The following ENTREP2 variants were observed in gnomAD, a reference collection of about 807,000 sequenced individuals.
The protein encoded by ENTREP2 is endosomal transmembrane epsin interactor 2, also known as protein ENTREP2.
the ENTREP2 span, among the ~76,000 whole-genome samples, chr15:29,274,831 A>C: frequency 1.3e-5 from 2 of 152,218 alleles, no homozygotes; most frequent in African/African-American, 4.8e-5. Context: ...CTTGTTAGGG[A>C]AATGAAGACC....
the ENTREP2 span, among the ~76,000 whole-genome samples, chr15:29,159,016 CATT>C: frequency 6.6e-6 from 1 of 152,188 alleles, no homozygotes; most frequent in Non-Finnish European, 1.5e-5. Context: ...ACGTTAAAAA[CATT>C]AAACAGTTCA....
At chr15:29,326,321 C>A in the ENTREP2 span, among the ~76,000 whole-genome samples, 1 of 152,042 alleles carries the variant, frequency 6.6e-6, no homozygotes, top group Non-Finnish European at 1.5e-5. Context: ...TGTTCATGTA[C>A]AAAATCCCAA....
At chr15:29,623,990 G>A in the ENTREP2 span, among the ~76,000 whole-genome samples, 5 of 152,192 alleles carry the variant, frequency 3.3e-5, no homozygotes, top group African/African-American at 4.8e-5. Flanking sequence ...CACCTGCCTC[G>A]GCCTCCCAAA....
At chr15:29,123,783 G>A in the ENTREP2 span, 1 of 905,658 alleles carries the variant, frequency 1.1e-6, no homozygotes, top group South Asian at 1.8e-5. Context: ...TGGCGCTCTG[G>A]GCATGCCCTG....
At chr15:29,390,576 C>G in the ENTREP2 span, among the ~76,000 whole-genome samples, 1 of 152,152 alleles carries the variant, frequency 6.6e-6, no homozygotes, top group African/African-American at 2.4e-5. Flanking sequence ...AAAATCAGAA[C>G]AGAGACAGAA....
the ENTREP2 span, among the ~76,000 whole-genome samples, chr15:29,391,381 A>G: frequency 6.6e-6 from 1 of 152,072 alleles, no homozygotes; most frequent in Non-Finnish European, 1.5e-5. Flanking sequence ...CTTTCTTCTC[A>G]ACCTACTGAT....
the ENTREP2 span, among the ~76,000 whole-genome samples, chr15:29,313,986 G>A: frequency 1.3e-5 from 2 of 152,196 alleles, no homozygotes; most frequent in South Asian, 2.1e-4. Context: ...AATTTCCGTG[G>A]AGGAAGTAAT....
chr15:29,133,620 C>G, the ENTREP2 span, among the ~76,000 whole-genome samples: 3 of 152,204 alleles, frequency 2.0e-5, no homozygotes, highest in Admixed American at 1.3e-4. Context: ...TTGCTTTCTT[C>G]CAGAACTGCT....
At chr15:29,571,066 C>A in the ENTREP2 span, among the ~76,000 whole-genome samples, 2 of 147,750 alleles carry the variant, frequency 1.4e-5, no homozygotes, top group African/African-American at 5.0e-5. Flanking sequence ...CCGCTGCCGT[C>A]CCCGGGCGCG....
At chr15:29,187,765 C>T in the ENTREP2 span, among the ~76,000 whole-genome samples, 2 of 152,200 alleles carry the variant, frequency 1.3e-5, no homozygotes, top group South Asian at 2.1e-4. Flanking sequence ...CCACGCCCCT[C>T]GCTGTAAGCC....
chr15:29,640,215 A>G, the ENTREP2 span, among the ~76,000 whole-genome samples: 2 of 152,246 alleles, frequency 1.3e-5, no homozygotes, highest in Non-Finnish European at 2.9e-5. Context: ...AAGAATTGTG[A>G]GGAAATACTA....
chr15:29,621,686 A>C, the ENTREP2 span, among the ~76,000 whole-genome samples: 1 of 151,834 alleles, frequency 6.6e-6, no homozygotes, highest in Non-Finnish European at 1.5e-5. Context: ...AAAATAGTGC[A>C]GGCACTATGT....
At chr15:29,490,390 T>C in the ENTREP2 span, among the ~76,000 whole-genome samples, 321 of 151,174 alleles carry the variant, frequency 2.1e-3, no homozygotes, top group African/African-American at 6.2e-3. Context: ...CTCCACAACA[T>C]GGAAGAGAAC....
the ENTREP2 span, among the ~76,000 whole-genome samples, chr15:29,596,817 C>T: frequency 1.3e-5 from 2 of 151,984 alleles, no homozygotes; most frequent in African/African-American, 4.8e-5. Flanking sequence ...TACAGGCGCC[C>T]GCTGCCATGC....
the ENTREP2 span, among the ~76,000 whole-genome samples, chr15:29,420,073 G>C: frequency 6.6e-6 from 1 of 152,164 alleles, no homozygotes; most frequent in Non-Finnish European, 1.5e-5. Flanking sequence ...GGATCCTAAA[G>C]CAGCAACAGC....
At chr15:29,265,892 T>C in the ENTREP2 span, 1 of 152,216 alleles carries the variant, frequency 6.6e-6, no homozygotes, top group African/African-American at 2.4e-5. Flanking sequence ...ATCAAAACTT[T>C]GAACACTTAG....
the ENTREP2 span, among the ~76,000 whole-genome samples, chr15:29,359,679 G>A: frequency 2.6e-5 from 4 of 152,090 alleles, no homozygotes; most frequent in Admixed American, 6.5e-5. Flanking sequence ...CCAAGGTGCT[G>A]GGATTACAGG....
At chr15:29,422,052 G>C in the ENTREP2 span, among the ~76,000 whole-genome samples, 1 of 152,102 alleles carries the variant, frequency 6.6e-6, no homozygotes, top group African/African-American at 2.4e-5. Flanking sequence ...TGGATCACCT[G>C]AGGTCAGGAG....
the ENTREP2 span, among the ~76,000 whole-genome samples, chr15:29,308,441 A>C: frequency 2.0e-5 from 3 of 152,210 alleles, no homozygotes; most frequent in Non-Finnish European, 4.4e-5. Flanking sequence ...GACAGTTCAC[A>C]GGACCAGGCA....
Sources: allele counts gnomAD v4.1 joint callset (sites outside exome capture counted in the v4.1 genomes callset), GRCh38; gene constraint gnomAD v4.1.1; transcripts MANE v1.5; gene names NCBI Gene and HGNC (gene_info 2026-07-23, HGNC 2026-07-21).